The following SCN2A variants were observed in gnomAD, a reference collection of about 807,000 sequenced individuals.
The protein encoded by SCN2A is sodium channel protein type 2 subunit alpha.
In SCN2A, 20 loss-of-function variants were observed where a neutral mutation model predicts 188.7. That is an observed-to-expected ratio of 0.11 (90% CI 0.07 to 0.15). The LOEUF is 0.15. SCN2A is among the 10% of genes least tolerant of loss of function. The pLI is 1.00. For missense variants in SCN2A, 1,278 were observed against 2,445.0 expected, an observed-to-expected ratio of 0.52 and a Z score of 10.07; for synonymous variants, 804 against 833.1, an observed-to-expected ratio of 0.97 and a Z score of 0.60.
rs779025434 is a variant in SCN2A at position 165,310,345 on chromosome 2, C to T, written c.720C>T (p.Ala240=). 1.9e-6 allele frequency: 3 copies of T among 1,613,534 alleles called. No homozygotes were observed. The South Asian group carries it at 3.3e-5, about 18-fold the overall frequency. Residue 240 remains alanine (A), a synonymous_variant, in exon 7 of 27, where the codon GCC becomes GCT. Transcript: ENST00000375437. ...VIPGLKTIVG[A]LIQSVKKLSD... is the part of the protein sequence containing the mutation. ...TAGGCCTGAAGACCATTGTGGGGGC[C>T]CTGATCCAGTCAGTGAAGAAGCTTT...
At chr2:165,275,085 A>G (rs79692083) in intron 1 of SCN2A, among the ~76,000 whole-genome samples, 175 of 152,256 alleles carry the variant, frequency 1.1e-3, no homozygotes, top group African/African-American at 4.0e-3. Context: ...TACCTGCTCT[A>G]CTTTCTTATT....
intron 3 of SCN2A, among the ~76,000 whole-genome samples, chr2:165,302,553 A>G (rs1696875190): frequency 6.6e-6 from 1 of 152,236 alleles, no homozygotes; most frequent in Non-Finnish European, 1.5e-5. Flanking sequence ...CTATAATTTT[A>G]TACTCTATAA....
At chr2:165,264,244 G>T (rs1311510159) in intron 1 of SCN2A, among the ~76,000 whole-genome samples, 1 of 152,108 alleles carries the variant, frequency 6.6e-6, no homozygotes, top group Non-Finnish European at 1.5e-5. Context: ...ATATCAAAAA[G>T]ATAATCCACT....
chr2:165,361,434 A>C (rs1188411605), intron 17 of SCN2A, among the ~76,000 whole-genome samples: 2 of 152,016 alleles, frequency 1.3e-5, no homozygotes, highest in South Asian at 2.1e-4. Context: ...TTTACTTTTG[A>C]ATCATCAAAA....
rs1182572053 is a variant in SCN2A, at chr2:165,323,336, G to A, written c.1852G>A (p.Gly618Arg). The A allele has an allele frequency of 1.2e-6, 2 of 1,614,076 alleles. No homozygotes were observed. Among genetic ancestry groups the A allele is most frequent in the Non-Finnish European group, 1.7e-6 (2 of 1,180,030 alleles). The part of the protein sequence containing the change: ...RDSLFVPHRH[G>R]ERRHSNVSQA... The stretch of plus-strand genomic sequence containing the variant: ...CTCTCTGTTCGTGCCGCACAGACAT[G>A]GAGAACGGCGCCACAGCAATGTCAG... Residue 618 changes from glycine (G) to arginine (R), a missense_variant, in exon 12 of 27, where the codon GGA becomes AGA. Coordinates refer to ENST00000375437, the MANE Select transcript of SCN2A (RefSeq NM_001040142.2).
At chr2:165,322,606 C>G (rs944868302) in intron 11 of SCN2A, among the ~76,000 whole-genome samples, 6 of 152,090 alleles carry the variant, frequency 3.9e-5, no homozygotes, top group African/African-American at 7.2e-5. Flanking sequence ...ATAAAATATG[C>G]AAAGGGAAGT....
intron 1 of SCN2A, among the ~76,000 whole-genome samples, chr2:165,282,819 A>G (rs749887711): frequency 6.6e-6 from 1 of 152,196 alleles, no homozygotes; most frequent in Admixed American, 6.5e-5. Flanking sequence ...CCAGTGTGCT[A>G]ATGGTAGAGG....
At chr2:165,253,618 C>T (rs951688657) in intron 1 of SCN2A, among the ~76,000 whole-genome samples, 2 of 151,960 alleles carry the variant, frequency 1.3e-5, no homozygotes, top group African/African-American at 2.4e-5. Context: ...GCAACAGAGA[C>T]AATATGGCCC....
intron 1 of SCN2A, among the ~76,000 whole-genome samples, chr2:165,244,818 C>A (rs538996840): frequency 6.6e-6 from 1 of 151,934 alleles, no homozygotes; most frequent in Non-Finnish European, 1.5e-5. Context: ...TGAACATGAA[C>A]ATGTCTTGGT....
chr2:165,251,275 T>C (rs1694080569), intron 1 of SCN2A, among the ~76,000 whole-genome samples: 1 of 152,078 alleles, frequency 6.6e-6, no homozygotes, highest in South Asian at 2.1e-4. Flanking sequence ...GATGTTCTAA[T>C]ATAATAGGTG....
In SCN2A at chr2:165,331,405, G is replaced by A. The variant is rs1553574575; in HGVS notation, c.2225G>A (p.Cys742Tyr). The change falls in exon 14 of 27, where the codon TGT becomes TAT. Residue 742 changes from cysteine to tyrosine, a missense_variant. Cys to Tyr is a radical substitution (Grantham distance 194). This residue lies in a region of SCN2A where 315 missense variants were observed against 386.6 expected (regional missense o/e 0.81). Transcript: ENST00000375437. ...AATATGTGTTTGATTTGGGACTGTT[G>A]TAAACCATGGTTAAAGGTGAAACAC... ...FANMCLIWDC[C>Y]KPWLKVKHLV... The A allele has an allele frequency of 6.2e-7, 1 of 1,613,796 alleles. No individual in the cohort carries two copies. The highest frequency in any genetic ancestry group is 8.5e-7 in the Non-Finnish European group (1 of 1,179,770).
chr2:165,314,953 A>T (rs1014430448), intron 10 of SCN2A, among the ~76,000 whole-genome samples: 3 of 152,174 alleles, frequency 2.0e-5, no homozygotes, highest in African/African-American at 7.2e-5. Context: ...AACACTCTGT[A>T]TTATGTCTTT....
rs1427994988 is a variant in SCN2A at position 165,351,870 on chromosome 2, T to TG, written c.2920-2321dup. On this transcript the variant is annotated intron_variant, in intron 16 of 26. Coordinates refer to ENST00000375437, the MANE Select transcript of SCN2A (RefSeq NM_001040142.2). Reference sequence around the variant, plus strand: ...CCCAATCTATCAGTAAAGCTGTGCTTGTTTTTTTTTTTTTTTTAAAGAATC... The same window carrying TG: ...CCCAATCTATCAGTAAAGCTGTGCTTGGTTTTTTTTTTTTTTTTAAAGAATC... 9.5e-3 allele frequency among the ~76,000 whole-genome samples: 1,365 copies of TG among 143,098 alleles called. 12 individuals are homozygous for TG. Among genetic ancestry groups the TG allele is most frequent in the African/African-American group, 0.031 (1,249 of 39,952 alleles). 93.9% of individuals were successfully genotyped at this position (143,098 alleles called of 152,430 possible). A position where few individuals can be genotyped will look rare whatever the true frequency, so the allele number is the denominator to read the frequency against.
chr2:165,279,621 G>A (rs1371904662), intron 1 of SCN2A, among the ~76,000 whole-genome samples: 1 of 152,128 alleles, frequency 6.6e-6, no homozygotes, highest in Non-Finnish European at 1.5e-5. Flanking sequence ...GAGATTATCT[G>A]TTTAGAGTAA....
At chr2:165,353,514 A>C (rs773156454) in intron 16 of SCN2A, among the ~76,000 whole-genome samples, 1 of 152,140 alleles carries the variant, frequency 6.6e-6, no homozygotes, top group Admixed American at 6.5e-5. Context: ...AATACCTGAG[A>C]CTGGGTAATT....
intron 14 of SCN2A, among the ~76,000 whole-genome samples, chr2:165,331,778 AT>A (rs1698693096): frequency 6.6e-6 from 1 of 152,154 alleles, no homozygotes; most frequent in Admixed American, 6.5e-5. Context: ...TTAGAATTGA[AT>A]TTAAATTGCT....
chr2:165,300,549 G>A (rs1237608501), intron 3 of SCN2A, among the ~76,000 whole-genome samples: 1 of 152,154 alleles, frequency 6.6e-6, no homozygotes, highest in Admixed American at 6.5e-5. Flanking sequence ...GAGATCCGAA[G>A]GAAGCAAAAG....
At chr2:165,317,571 T>C (rs139013971) in intron 11 of SCN2A, among the ~76,000 whole-genome samples, 1 of 152,144 alleles carries the variant, frequency 6.6e-6, no homozygotes, top group South Asian at 2.1e-4. Context: ...TTCTCTTCAA[T>C]TTGCCTTATT....
At chr2:165,240,606 T>C (rs1163136171) in intron 1 of SCN2A, among the ~76,000 whole-genome samples, 5 of 151,960 alleles carry the variant, frequency 3.3e-5, no homozygotes, top group East Asian at 1.9e-4. Context: ...ATTTTAAAAA[T>C]AGTTTTGTAA....
Sources: allele counts gnomAD v4.1 joint callset (sites outside exome capture counted in the v4.1 genomes callset), GRCh38; gene constraint gnomAD v4.1.1; regional missense constraint gnomAD v4.1.1; transcripts MANE v1.5; gene names NCBI Gene and HGNC (gene_info 2026-07-23, HGNC 2026-07-21).